Variants in AGBL4 observed in about 807,000 individuals in gnomAD.
The protein encoded by AGBL4 is cytosolic carboxypeptidase 6.
In AGBL4, 58 loss-of-function variants were observed where a neutral mutation model predicts 66.4. The ratio of observed to expected loss-of-function variants is 0.87; its 90% CI spans 0.71 to 1.09. The LOEUF (loss-of-function observed/expected upper bound fraction) is 1.09, where lower values mean the gene tolerates loss of function less well. Ranked by LOEUF, AGBL4 falls within the 50% of genes least tolerant of loss-of-function variation. The probability of loss-of-function intolerance (pLI) is 0.00; values close to 1 mark genes in which losing one functional copy is unlikely to be tolerated. For missense variants in AGBL4, 579 were observed against 631.0 expected (o/e 0.92, Z 0.88); for synonymous variants, 234 against 222.9 (o/e 1.05, Z -0.44).
intron 4 of AGBL4, among the ~76,000 whole-genome samples, chr1:49,134,523 A>G (rs1300069454): frequency 8.1e-6 from 1 of 123,268 alleles, no homozygotes; most frequent in Non-Finnish European, 1.6e-5. Flanking sequence ...AGGGCTGTTC[A>G]TTATTAATAT....
chr1:49,386,403 T>C (rs1390463075), intron 3 of AGBL4, among the ~76,000 whole-genome samples: 1 of 151,752 alleles, frequency 6.6e-6, no homozygotes, highest in African/African-American at 2.4e-5. Flanking sequence ...AAATGTGGAT[T>C]GACACTGAAA....
At chr1:48,774,881 T>A (rs1394608115) in intron 6 of AGBL4, among the ~76,000 whole-genome samples, 2 of 152,140 alleles carry the variant, frequency 1.3e-5, no homozygotes, top group African/African-American at 4.8e-5. Flanking sequence ...CTAAGAAACT[T>A]ATCACTGACT....
chr1:48,751,405 G>A (rs1651709315), intron 6 of AGBL4, among the ~76,000 whole-genome samples: 1 of 152,182 alleles, frequency 6.6e-6, no homozygotes, highest in African/African-American at 2.4e-5. Flanking sequence ...GGGACTCTGT[G>A]ATCAGACTGC....
At chr1:49,562,934 C>T (rs1393419456) in intron 3 of AGBL4, among the ~76,000 whole-genome samples, 18 of 152,088 alleles carry the variant, frequency 1.2e-4, no homozygotes, top group Non-Finnish European at 2.6e-4. Flanking sequence ...ATTCTTCCTA[C>T]TCATGAGCAT....
chr1:49,683,218 C>T (rs947648787), intron 3 of AGBL4, among the ~76,000 whole-genome samples: 21 of 152,054 alleles, frequency 1.4e-4, no homozygotes, highest in African/African-American at 5.1e-4. Context: ...TCATATCAGC[C>T]TGGGAAGAAA....
At chr1:48,579,976 A>C (rs577958550) in intron 11 of AGBL4, among the ~76,000 whole-genome samples, 94 of 152,162 alleles carry the variant, frequency 6.2e-4, no homozygotes, top group African/African-American at 2.1e-3. Flanking sequence ...GGAACATGTT[A>C]AAATGGGACT....
chr1:49,014,672 C>T (rs980901325), intron 5 of AGBL4, among the ~76,000 whole-genome samples: 1 of 152,136 alleles, frequency 6.6e-6, no homozygotes, highest in Non-Finnish European at 1.5e-5. Context: ...CTCACTGATG[C>T]CTTCTAAAGC....
intron 4 of AGBL4, among the ~76,000 whole-genome samples, chr1:49,176,291 G>A (rs1646830176): frequency 6.6e-6 from 1 of 152,130 alleles, no homozygotes; most frequent in African/African-American, 2.4e-5. Flanking sequence ...TTGCAGTAAG[G>A]TAGGTAAAAA....
intron 2 of AGBL4, among the ~76,000 whole-genome samples, chr1:49,762,074 T>C (rs1328217941): frequency 1.3e-5 from 2 of 152,338 alleles, no homozygotes; most frequent in East Asian, 3.9e-4. Context: ...ACCAATTTCA[T>C]CTCCTTTGGA....
At chr1:49,536,743 A>C (rs1249880740) in intron 3 of AGBL4, among the ~76,000 whole-genome samples, 1 of 152,230 alleles carries the variant, frequency 6.6e-6, no homozygotes, top group Non-Finnish European at 1.5e-5. Flanking sequence ...CCCAGAAATA[A>C]AGCCACATAT....
chr1:48,886,597 A>C (rs1650372675), intron 5 of AGBL4, among the ~76,000 whole-genome samples: 1 of 152,004 alleles, frequency 6.6e-6, no homozygotes, highest in Non-Finnish European at 1.5e-5. Context: ...CTGTTGCCCA[A>C]GCTGGAGTGC....
chr1:49,738,995 C>T (rs11205644), intron 2 of AGBL4, among the ~76,000 whole-genome samples: 79,966 of 152,052 alleles, frequency 0.53, 22,369 homozygotes, highest in Non-Finnish European at 0.62. Context: ...AAAATCAGAG[C>T]GCCTCTCCTC....
Position 49,015,215 on chromosome 1 carries a change from C to G in AGBL4, c.594+30369G>C, listed in dbSNP as rs1002211449. ...TTTTGGGGGGAGTTGATTTTGTTCCCTTAGGTTGGTGGTAGAAGAAAGAAT... is the reference window on the plus strand; with the variant it reads ...TTTTGGGGGGAGTTGATTTTGTTCCGTTAGGTTGGTGGTAGAAGAAAGAAT... On this transcript the variant is annotated intron_variant, in intron 5 of 13. Transcript: ENST00000371839. 3.3e-5 allele frequency among the ~76,000 whole-genome samples: 5 copies of G among 151,858 alleles called. No homozygotes were observed. In the East Asian group the frequency reaches 9.7e-4, roughly 29 times the overall value.
At chr1:48,804,565 A>C (rs1570712619) in intron 6 of AGBL4, among the ~76,000 whole-genome samples, 1 of 152,170 alleles carries the variant, frequency 6.6e-6, no homozygotes, top group East Asian at 1.9e-4. Flanking sequence ...ATAACTGACA[A>C]ATAAGAGGCA....
rs187985752 is a variant in AGBL4 at position 49,466,225 on chromosome 1, C to T, written c.283-220361G>A. Among the ~76,000 whole-genome samples, 142 of 151,978 alleles carry T rather than the reference C, an allele frequency of 9.3e-4. 2 individuals are homozygous for T. The highest frequency in any genetic ancestry group is 3.3e-3 in the African/African-American group (137 of 41,542). The stretch of plus-strand genomic sequence containing the variant: ...GACTTCATCCTTTCCAATCTATGTT[C>T]TTGAGAATCATTTTATAGAATTTGG... On this transcript the variant is annotated intron_variant, in intron 3 of 13. Transcript: ENST00000371839.
intron 8 of AGBL4, among the ~76,000 whole-genome samples, chr1:48,641,511 C>T (rs1288629464): frequency 1.3e-5 from 2 of 152,068 alleles, no homozygotes; most frequent in Non-Finnish European, 2.9e-5. Flanking sequence ...AGAACATAGG[C>T]TTCAAAGGCA....
At chr1:49,531,871 C>T (rs1651168708) in intron 3 of AGBL4, among the ~76,000 whole-genome samples, 1 of 152,026 alleles carries the variant, frequency 6.6e-6, no homozygotes, top group Non-Finnish European at 1.5e-5. Context: ...CATAAGATAA[C>T]ATAAAAACAC....
chr1:49,499,176 C>T (rs2148759808), intron 3 of AGBL4, among the ~76,000 whole-genome samples: 1 of 151,938 alleles, frequency 6.6e-6, no homozygotes, highest in East Asian at 1.9e-4. Flanking sequence ...ATAAGACCAT[C>T]AAGAGATGGG....
chr1:49,962,231 C>T lies in AGBL4; in HGVS notation c.34+61532G>A, dbSNP rs557142805. 4.6e-5 allele frequency among the ~76,000 whole-genome samples: 7 copies of T among 152,152 alleles called. No individual in the cohort carries two copies. In the South Asian group the frequency reaches 1.5e-3, roughly 32 times the overall value. ...GTATAGAGTGCATGAATTTCATGAT[C>T]GCCAATCCCTTCGTTAAGTTGTCTA... On this transcript the variant is annotated intron_variant, in intron 1 of 13. Transcript: ENST00000371839.
Sources: allele counts gnomAD v4.1 joint callset (sites outside exome capture counted in the v4.1 genomes callset), GRCh38; gene constraint gnomAD v4.1.1; transcripts MANE v1.5; gene names NCBI Gene and HGNC (gene_info 2026-07-23, HGNC 2026-07-21).